CADM2: variants seen among roughly 807,000 people sequenced by gnomAD.
CADM2 encodes the protein cell adhesion molecule 2.
Under a neutral mutation model 49.8 loss-of-function variants are expected in CADM2, and 12 were observed. That is an observed-to-expected ratio of 0.24 (90% CI 0.15 to 0.39). The LOEUF (loss-of-function observed/expected upper bound fraction) is 0.39, where lower values mean the gene tolerates loss of function less well. Among genes scored for constraint, CADM2 ranks in the 10% least tolerant of loss-of-function variants. The pLI is 1.00. For missense variants in CADM2, 378 were observed against 492.3 expected (o/e 0.77, Z 2.20); for synonymous variants, 214 against 175.4 (o/e 1.22, Z -1.74).
intron 1 of CADM2, among the ~76,000 whole-genome samples, chr3:85,517,256 T>C (rs140205944): frequency 1.3e-5 from 2 of 152,178 alleles, no homozygotes; most frequent in Non-Finnish European, 2.9e-5. Flanking sequence ...AAGCTTACTG[T>C]AAAAAATTAT....
chr3:85,036,997 GA>G (rs10566030), intron 1 of CADM2, among the ~76,000 whole-genome samples: 8,631 of 78,018 alleles, frequency 0.11, 288 homozygotes, highest in East Asian at 0.24. Context: ...ACTAAAAATA[GA>G]AAAAAAAAAA....
Position 85,217,314 on chromosome 3 carries a change from G to T in CADM2, c.61+257646G>T, listed in dbSNP as rs114839144. On this transcript the variant is annotated intron_variant, in intron 1 of 9. Transcript: ENST00000383699. ...AGCATAGCAAATTTGATTAATTTAG[G>T]GATAGGATTGAAATTAAGTTAGAAA... Among the ~76,000 whole-genome samples the T allele has an allele frequency of 6.9e-3, 1,050 of 151,724 alleles. 10 individuals carry two copies. The highest frequency in any genetic ancestry group is 0.023 in the African/African-American group (961 of 41,496).
intron 1 of CADM2, among the ~76,000 whole-genome samples, chr3:85,052,184 T>C (rs1458789177): frequency 6.6e-6 from 1 of 152,170 alleles, no homozygotes; most frequent in African/African-American, 2.4e-5. Context: ...GTATTTATGA[T>C]TCAACTGTGA....
chr3:85,145,933 TA>T (rs2039725819), intron 1 of CADM2, among the ~76,000 whole-genome samples: 1 of 152,142 alleles, frequency 6.6e-6, no homozygotes, highest in South Asian at 2.1e-4. Flanking sequence ...AAATATTAAA[TA>T]AAAGAAAGTT....
chr3:85,438,621 A>G (rs1032332425), intron 1 of CADM2, among the ~76,000 whole-genome samples: 2 of 152,094 alleles, frequency 1.3e-5, no homozygotes, highest in Non-Finnish European at 2.9e-5. Flanking sequence ...CAGTATCTGC[A>G]AAAATAGACA....
chr3:85,793,967 T>A (rs1359865317), intron 2 of CADM2, among the ~76,000 whole-genome samples: 1 of 152,150 alleles, frequency 6.6e-6, no homozygotes, highest in Non-Finnish European at 1.5e-5. Context: ...TACTTAATAT[T>A]CAAAAAATGT....
At chr3:85,895,877 C>T (rs1715149632) in intron 5 of CADM2, among the ~76,000 whole-genome samples, 2 of 152,138 alleles carry the variant, frequency 1.3e-5, no homozygotes, top group African/African-American at 4.8e-5. Context: ...TTCTGTGAGG[C>T]CTCCCCAGCC....
chr3:85,248,368 G>T (rs2042697541), intron 1 of CADM2, among the ~76,000 whole-genome samples: 1 of 151,920 alleles, frequency 6.6e-6, no homozygotes, highest in Non-Finnish European at 1.5e-5. Context: ...TCTGCCTCCT[G>T]GATTCAAGCA....
chr3:86,013,668 A>T, intron 8 of CADM2: 1 of 1,602,662 alleles, frequency 6.2e-7, no homozygotes, highest in Non-Finnish European at 8.5e-7. Flanking sequence ...AGAGCACCTA[A>T]CTGTGTTGGT....
intron 1 of CADM2, among the ~76,000 whole-genome samples, chr3:85,282,266 G>GA (rs2043519613): frequency 1.3e-5 from 1 of 78,868 alleles, no homozygotes; most frequent in Non-Finnish European, 2.8e-5. Flanking sequence ...TTTTTTTTTT[G>GA]CCTTTTTTTT....
At chr3:85,978,857 T>G (rs1727119929) in intron 8 of CADM2, among the ~76,000 whole-genome samples, 1 of 151,664 alleles carries the variant, frequency 6.6e-6, no homozygotes, top group Admixed American at 6.6e-5. Flanking sequence ...TTTTTGCTAC[T>G]GCATGTCAAA....
intron 1 of CADM2, among the ~76,000 whole-genome samples, chr3:85,150,261 C>T (rs1027119610): frequency 1.3e-5 from 2 of 152,052 alleles, no homozygotes; most frequent in South Asian, 4.1e-4. Flanking sequence ...AAGGGGTTTT[C>T]ATAAGGGGCT....
intron 1 of CADM2, among the ~76,000 whole-genome samples, chr3:85,026,251 ATGGAG>A (rs2034722345): frequency 6.6e-6 from 1 of 152,178 alleles, no homozygotes; most frequent in Admixed American, 6.5e-5. Context: ...TTTCCATTGT[ATGGAG>A]TGAAGATCAC....
intron 2 of CADM2, among the ~76,000 whole-genome samples, chr3:85,791,627 G>A (rs2071343099): frequency 6.6e-6 from 1 of 151,702 alleles, no homozygotes; most frequent in African/African-American, 2.4e-5. Context: ...AATAGTTGAG[G>A]GGAAAAACTT....
chr3:85,270,672 C>G (rs1411095780), intron 1 of CADM2, among the ~76,000 whole-genome samples: 1 of 150,966 alleles, frequency 6.6e-6, no homozygotes, highest in Non-Finnish European at 1.5e-5. Flanking sequence ...TAATGTAAAC[C>G]TAGCAAGCAG....
At chr3:85,777,724 A>G (rs924294999) in intron 2 of CADM2, among the ~76,000 whole-genome samples, 1 of 152,218 alleles carries the variant, frequency 6.6e-6, no homozygotes, top group Non-Finnish European at 1.5e-5. Context: ...TAATAGAAGC[A>G]TGTAAACTCA....
chr3:85,734,776 C>T (rs2068066336), intron 2 of CADM2, among the ~76,000 whole-genome samples: 1 of 148,054 alleles, frequency 6.8e-6, no homozygotes, highest in Non-Finnish European at 1.5e-5. Flanking sequence ...ATACATAACT[C>T]ACCATATGTC....
At chr3:85,326,555 T>C (rs1449679554) in intron 1 of CADM2, among the ~76,000 whole-genome samples, 2 of 152,186 alleles carry the variant, frequency 1.3e-5, no homozygotes, top group African/African-American at 4.8e-5. Flanking sequence ...ATTATATTAT[T>C]GATAATAGTA....
intron 1 of CADM2, among the ~76,000 whole-genome samples, chr3:85,498,232 G>A (rs1356507225): frequency 3.0e-5 from 4 of 133,142 alleles, no homozygotes; most frequent in South Asian, 4.8e-4. Flanking sequence ...TGTTAAAAAT[G>A]TGCCCCAAGC....
Sources: allele counts gnomAD v4.1 joint callset (sites outside exome capture counted in the v4.1 genomes callset), GRCh38; gene constraint gnomAD v4.1.1; transcripts MANE v1.5; gene names NCBI Gene and HGNC (gene_info 2026-07-23, HGNC 2026-07-21).